CDH4: variants seen among roughly 807,000 people sequenced by gnomAD.
CDH4 encodes cadherin-4.
CDH4 carries 33 observed loss-of-function variants against 86.0 expected under a neutral mutation model. That is an observed-to-expected ratio of 0.38 (90% CI 0.29 to 0.51). The LOEUF is 0.51. Among genes scored for constraint, CDH4 ranks in the 20% least tolerant of loss-of-function variants. The pLI is 0.86. For missense variants in CDH4, 1,114 were observed against 1,307.4 expected, an observed-to-expected ratio of 0.85 and a Z score of 2.28; for synonymous variants, 555 against 549.4, an observed-to-expected ratio of 1.01 and a Z score of -0.14.
intron 2 of CDH4, among the ~76,000 whole-genome samples, chr20:61,271,623 C>T (rs961878340): frequency 2.6e-5 from 4 of 152,232 alleles, no homozygotes; most frequent in Admixed American, 6.5e-5. Flanking sequence ...ACATCTCCCA[C>T]GCTCTCCCCC....
intron 2 of CDH4, among the ~76,000 whole-genome samples, chr20:61,702,229 A>G (rs2087784567): frequency 6.6e-6 from 1 of 152,220 alleles, no homozygotes; most frequent in Admixed American, 6.5e-5. Context: ...TCATAGGACC[A>G]TTTCTGACAA....
At chr20:61,603,085 G>C (rs920031104) in intron 2 of CDH4, among the ~76,000 whole-genome samples, 1 of 152,214 alleles carries the variant, frequency 6.6e-6, no homozygotes, top group Non-Finnish European at 1.5e-5. Context: ...CCTGCCCTCA[G>C]AAGCTCTCAG....
At chr20:61,765,904 T>G (rs2145976317) in intron 3 of CDH4, among the ~76,000 whole-genome samples, 1 of 152,124 alleles carries the variant, frequency 6.6e-6, no homozygotes, top group Admixed American at 6.5e-5. Context: ...CTGCCTTCCC[T>G]GGAGCAGTCA....
At chr20:61,470,960 G>A (rs1007509854) in intron 2 of CDH4, among the ~76,000 whole-genome samples, 2 of 151,914 alleles carry the variant, frequency 1.3e-5, no homozygotes, top group Admixed American at 6.6e-5. Context: ...GAGGATTTTT[G>A]CATTAATATT....
At chr20:61,369,084 C>T (rs975881878) in intron 2 of CDH4, among the ~76,000 whole-genome samples, 3 of 151,958 alleles carry the variant, frequency 2.0e-5, no homozygotes, top group Non-Finnish European at 4.4e-5. Flanking sequence ...ATGTATAGAC[C>T]GATTAAATCC....
At chr20:61,785,320 T>G (rs1282429212) in intron 4 of CDH4, among the ~76,000 whole-genome samples, 1 of 152,148 alleles carries the variant, frequency 6.6e-6, no homozygotes, top group African/African-American at 2.4e-5. Context: ...TGCTGGGCTG[T>G]GGGCTCCCTG....
At chr20:61,899,010 G>T (rs56153427) in intron 8 of CDH4, among the ~76,000 whole-genome samples, 2 of 152,066 alleles carry the variant, frequency 1.3e-5, no homozygotes, top group Non-Finnish European at 2.9e-5. Flanking sequence ...TAAAAGAAGA[G>T]GGAGGGCCGG....
At chr20:61,492,531 C>T (rs2085634167) in intron 2 of CDH4, among the ~76,000 whole-genome samples, 1 of 152,070 alleles carries the variant, frequency 6.6e-6, no homozygotes. Context: ...TACTGATGTT[C>T]CTGATGCTGA....
At chr20:61,780,023 T>C (rs1249403523) in intron 4 of CDH4, among the ~76,000 whole-genome samples, 1 of 152,196 alleles carries the variant, frequency 6.6e-6, no homozygotes, top group African/African-American at 2.4e-5. Flanking sequence ...GTGGCAGTCA[T>C]TCGTTGTCTC....
chr20:61,731,168 G>A lies in CDH4; in HGVS notation c.170-12395G>A, dbSNP rs573689973. Among the ~76,000 whole-genome samples, 4 of 152,092 alleles carry A rather than the reference G, an allele frequency of 2.6e-5. No homozygotes were observed. The East Asian group carries it at 7.8e-4, about 30-fold the overall frequency. On this transcript the variant is annotated intron_variant, in intron 2 of 15. Transcript: ENST00000614565. Reference sequence around the variant, plus strand: ...TGAGGGCGTCCGAGTCCCCCCCTCAGCCCTCAGCCCTGCCCTTGGCTCTGC... The same window carrying A: ...TGAGGGCGTCCGAGTCCCCCCCTCAACCCTCAGCCCTGCCCTTGGCTCTGC...
chr20:61,358,035 G>A (rs968273788), intron 2 of CDH4, among the ~76,000 whole-genome samples: 7 of 152,192 alleles, frequency 4.6e-5, no homozygotes, highest in Non-Finnish European at 8.8e-5. Flanking sequence ...TTGGTCTTTG[G>A]ATGTGCAGTA....
intron 2 of CDH4, among the ~76,000 whole-genome samples, chr20:61,594,026 A>AG (rs1403250275): frequency 1.7e-5 from 1 of 59,982 alleles, no homozygotes; most frequent in African/African-American, 6.8e-5. Flanking sequence ...GAGAGGGAGG[A>AG]GGGAGGGGGA....
intron 2 of CDH4, among the ~76,000 whole-genome samples, chr20:61,716,673 C>T (rs1229524850): frequency 3.3e-5 from 5 of 152,182 alleles, no homozygotes; most frequent in African/African-American, 1.2e-4. Flanking sequence ...CTTTGGGAGG[C>T]CGAGGCAGGA....
intron 2 of CDH4, among the ~76,000 whole-genome samples, chr20:61,578,086 C>T (rs186765818): frequency 2.5e-4 from 38 of 152,322 alleles, no homozygotes; most frequent in African/African-American, 9.1e-4. Context: ...CGACCCTCAG[C>T]TCTACTCAAG....
intron 2 of CDH4, among the ~76,000 whole-genome samples, chr20:61,306,340 C>A (rs2084417104): frequency 2.5e-5 from 1 of 40,072 alleles, no homozygotes; most frequent in African/African-American, 6.8e-5. Flanking sequence ...TTTTTTCTTT[C>A]TTTTTCTTTT....
chr20:61,715,153 T>C (rs2087939541), intron 2 of CDH4, among the ~76,000 whole-genome samples: 1 of 152,244 alleles, frequency 6.6e-6, no homozygotes, highest in African/African-American at 2.4e-5. Flanking sequence ...ATTTCCCTGA[T>C]GATTAGTGAT....
intron 2 of CDH4, among the ~76,000 whole-genome samples, chr20:61,716,323 G>T (rs534579431): frequency 0.014 from 1,953 of 144,224 alleles, 39 homozygotes; most frequent in African/African-American, 0.053. Context: ...CCCATGAGCT[G>T]CCTCTTGGCT....
intron 2 of CDH4, among the ~76,000 whole-genome samples, chr20:61,627,282 C>A (rs574438113): frequency 3.9e-5 from 6 of 152,212 alleles, no homozygotes; most frequent in Non-Finnish European, 8.8e-5. Context: ...CCACCCAGAA[C>A]TTCCCAGGGT....
chr20:61,880,161 G>T (rs1600732187), intron 7 of CDH4, among the ~76,000 whole-genome samples: 1 of 152,150 alleles, frequency 6.6e-6, no homozygotes, highest in African/African-American at 2.4e-5. Flanking sequence ...GAAAGTGTTC[G>T]TCGGTGACCA....
Sources: gnomAD v4.1 joint callset for allele counts (sites outside exome capture counted in the v4.1 genomes callset) on GRCh38, gnomAD v4.1.1 for gene constraint, MANE v1.5 for transcripts, NCBI Gene and HGNC (gene_info 2026-07-23, HGNC 2026-07-21) for gene names.